ERC2: variants seen among roughly 807,000 people sequenced by gnomAD.
The protein encoded by ERC2 is ERC protein 2.
Under a neutral mutation model 114.8 loss-of-function variants are expected in ERC2, and 42 were observed. The ratio of observed to expected loss-of-function variants is 0.37; its 90% CI spans 0.29 to 0.47. ERC2 has a LOEUF of 0.47. Among genes scored for constraint, ERC2 ranks in the 20% least tolerant of loss-of-function variants. ERC2 has a pLI of 0.99. For synonymous variants in ERC2, 454 were observed against 425.5 expected (o/e 1.07, Z -0.82); for missense variants, 939 against 1,150.7 (o/e 0.82, Z 2.66).
At chr3:55,693,343 A>G (rs1186248201) in intron 16 of ERC2, among the ~76,000 whole-genome samples, 1 of 152,160 alleles carries the variant, frequency 6.6e-6, no homozygotes, top group Non-Finnish European at 1.5e-5. Context: ...AGCAGAATAA[A>G]GCATCCTCTG....
At chr3:56,157,229 T>C (rs1245893833) in intron 4 of ERC2, among the ~76,000 whole-genome samples, 2 of 152,154 alleles carry the variant, frequency 1.3e-5, no homozygotes, top group Non-Finnish European at 2.9e-5. Flanking sequence ...TCAGAGAATG[T>C]ATGCTATTCT....
At chr3:56,228,610 AT>A (rs1387940370) in intron 3 of ERC2, among the ~76,000 whole-genome samples, 3 of 152,192 alleles carry the variant, frequency 2.0e-5, no homozygotes, top group Admixed American at 2.0e-4. Flanking sequence ...TTGCTGATGC[AT>A]GCCTCAGTTG....
chr3:56,398,312 A>G (rs2060388875), intron 2 of ERC2, among the ~76,000 whole-genome samples: 2 of 152,230 alleles, frequency 1.3e-5, no homozygotes, highest in Non-Finnish European at 2.9e-5. Context: ...ATTTCATTTT[A>G]CAAATGAGGT....
intron 3 of ERC2, among the ~76,000 whole-genome samples, chr3:56,271,987 G>C (rs2053685247): frequency 6.6e-6 from 1 of 152,092 alleles, no homozygotes; most frequent in Admixed American, 6.5e-5. Flanking sequence ...TCTATATCCA[G>C]TCTACCATTG....
intron 6 of ERC2, among the ~76,000 whole-genome samples, chr3:56,099,018 G>A (rs2078210963): frequency 1.3e-5 from 2 of 152,210 alleles, no homozygotes; most frequent in Admixed American, 1.3e-4. Context: ...CTTTCAAAAT[G>A]TGATTAAGAA....
At chr3:56,225,743 T>C (rs990080430) in intron 3 of ERC2, among the ~76,000 whole-genome samples, 3 of 152,116 alleles carry the variant, frequency 2.0e-5, no homozygotes, top group Non-Finnish European at 4.4e-5. Flanking sequence ...CAACAACAGG[T>C]GTGTTCCTGG....
intron 2 of ERC2, among the ~76,000 whole-genome samples, chr3:56,409,081 G>T (rs2060838297): frequency 6.6e-6 from 1 of 152,166 alleles, no homozygotes; most frequent in South Asian, 2.1e-4. Context: ...GGAGGCCTGC[G>T]GCTCCCGTGA....
At chr3:55,570,243 G>T (rs946195953) in intron 17 of ERC2, among the ~76,000 whole-genome samples, 1 of 152,008 alleles carries the variant, frequency 6.6e-6, no homozygotes, top group East Asian at 1.9e-4. Context: ...TCAATTTCAT[G>T]CTCCAAAATT....
At chr3:56,011,606 AACACACACACAC>A (rs3076645) in intron 8 of ERC2, among the ~76,000 whole-genome samples, 2 of 148,706 alleles carry the variant, frequency 1.3e-5, no homozygotes, top group African/African-American at 5.0e-5. Flanking sequence ...AAGAAACTTA[AACACACACACAC>A]ACACACACAC....
At chr3:56,328,897 G>A (rs1423754414) in intron 2 of ERC2, among the ~76,000 whole-genome samples, 1 of 152,194 alleles carries the variant, frequency 6.6e-6, no homozygotes, top group Non-Finnish European at 1.5e-5. Context: ...TTTGGTGTTT[G>A]GAAAAGTACA....
chr3:56,205,674 C>T (rs962274889), intron 3 of ERC2, among the ~76,000 whole-genome samples: 1 of 152,132 alleles, frequency 6.6e-6, no homozygotes, highest in African/African-American at 2.4e-5. Flanking sequence ...CCAGATGCAA[C>T]AGATGCCAGG....
intron 14 of ERC2, among the ~76,000 whole-genome samples, chr3:55,836,739 C>A (rs906060033): frequency 1.6e-4 from 25 of 151,970 alleles, no homozygotes; most frequent in African/African-American, 4.1e-4. Context: ...GCAACAAAAG[C>A]CAAAATTGAC....
chr3:55,741,640 A>C (rs2065966779), intron 14 of ERC2, among the ~76,000 whole-genome samples: 1 of 152,192 alleles, frequency 6.6e-6, no homozygotes, highest in Admixed American at 6.5e-5. Flanking sequence ...GACAGTTAGT[A>C]GGTTTAAGTA....
intron 17 of ERC2, among the ~76,000 whole-genome samples, chr3:55,646,127 C>G (rs1168567340): frequency 1.3e-5 from 2 of 152,212 alleles, no homozygotes; most frequent in Non-Finnish European, 2.9e-5. Flanking sequence ...GCCTATTCTG[C>G]AATTCTGTAA....
intron 3 of ERC2, among the ~76,000 whole-genome samples, chr3:56,262,222 C>T (rs2052986011): frequency 6.6e-6 from 1 of 152,130 alleles, no homozygotes; most frequent in Non-Finnish European, 1.5e-5. Context: ...GTGTGTGTCT[C>T]CTCCTGCTGG....
At chr3:56,096,023 C>T (rs1170721843) in intron 6 of ERC2, among the ~76,000 whole-genome samples, 3 of 152,124 alleles carry the variant, frequency 2.0e-5, no homozygotes, top group Admixed American at 2.0e-4. Context: ...AAACTCCAGT[C>T]TCCTCATCCA....
chr3:55,576,944 G>C (rs1328124175), intron 17 of ERC2, among the ~76,000 whole-genome samples: 1 of 152,234 alleles, frequency 6.6e-6, no homozygotes, highest in Admixed American at 6.5e-5. Flanking sequence ...GTCCAGAGGA[G>C]AGTCTTGCCG....
intron 14 of ERC2, among the ~76,000 whole-genome samples, chr3:55,762,227 C>T (rs576823580): frequency 6.6e-6 from 1 of 152,256 alleles, no homozygotes; most frequent in Admixed American, 6.5e-5. Context: ...AAAGCCTACA[C>T]TGAGTTAAAT....
At chr3:55,929,000 T>C (rs1576237672) in intron 13 of ERC2, among the ~76,000 whole-genome samples, 3 of 152,186 alleles carry the variant, frequency 2.0e-5, no homozygotes, top group African/African-American at 7.2e-5. Context: ...CATACTGTTT[T>C]GGTTACTATC....
Sources: allele counts gnomAD v4.1 joint callset (sites outside exome capture counted in the v4.1 genomes callset), GRCh38; gene constraint gnomAD v4.1.1; transcripts MANE v1.5; gene names NCBI Gene and HGNC (gene_info 2026-07-23, HGNC 2026-07-21).